Variants in IL15 observed in about 807,000 individuals in gnomAD.
IL15 encodes interleukin-15.
IL15 carries 11 observed loss-of-function variants against 19.6 expected under a neutral mutation model. That is an observed-to-expected ratio of 0.56 (90% CI 0.35 to 0.93). IL15 has a LOEUF of 0.93. Ranked by LOEUF, IL15 falls within the 40% of genes least tolerant of loss-of-function variation. The pLI is 0.01. For synonymous variants in IL15, 58 were observed against 59.6 expected (o/e 0.97, Z 0.12); for missense variants, 197 against 186.5 (o/e 1.06, Z -0.33).
At chr4:141,694,226 G>A (rs761683853) in intron 2 of IL15, among the ~76,000 whole-genome samples, 14 of 152,198 alleles carry the variant, frequency 9.2e-5, no homozygotes, top group Non-Finnish European at 1.6e-4. Flanking sequence ...TCATCCACAC[G>A]TGAACGTGGA....
intron 2 of IL15, among the ~76,000 whole-genome samples, chr4:141,700,486 G>T (rs1166030313): frequency 6.6e-6 from 1 of 152,190 alleles, no homozygotes; most frequent in African/African-American, 2.4e-5. Context: ...TCTGATGAGA[G>T]ATCTGCTGTT....
intron 2 of IL15, among the ~76,000 whole-genome samples, chr4:141,690,266 G>C (rs1238450189): frequency 6.6e-6 from 1 of 152,198 alleles, no homozygotes; most frequent in Non-Finnish European, 1.5e-5. Context: ...CAAGCTGAGG[G>C]AGCTGGCTCT....
At chr4:141,689,033 G>A (rs927492667) in intron 2 of IL15, 4 of 153,904 alleles carry the variant, frequency 2.6e-5, no homozygotes, top group East Asian at 3.8e-4. Flanking sequence ...ACAGACCTTC[G>A]CGGTGAGTGT....
chr4:141,647,851 T>C (rs1173745108), intron 1 of IL15, among the ~76,000 whole-genome samples: 4 of 152,074 alleles, frequency 2.6e-5, no homozygotes, highest in Non-Finnish European at 5.9e-5. Context: ...TGATAGATAC[T>C]TCTCTCATAG....
chr4:141,657,131 G>C (rs1018104128), intron 2 of IL15, among the ~76,000 whole-genome samples: 1 of 152,146 alleles, frequency 6.6e-6, no homozygotes, highest in Non-Finnish European at 1.5e-5. Flanking sequence ...GCATGTTACT[G>C]TACTGAATAC....
chr4:141,668,246 G>C (rs961516834), intron 2 of IL15, among the ~76,000 whole-genome samples: 11 of 152,186 alleles, frequency 7.2e-5, no homozygotes, highest in Admixed American at 2.0e-4. Flanking sequence ...GGCCCTTTGA[G>C]AGAGACACTG....
At chr4:141,689,290 T>A (rs1349476795) in intron 2 of IL15, among the ~76,000 whole-genome samples, 2 of 152,180 alleles carry the variant, frequency 1.3e-5, no homozygotes, top group Middle Eastern at 3.2e-3. Context: ...TTTATTCTCT[T>A]ATCTGGCCCC....
At chr4:141,723,034 G>A (rs142205381) in intron 5 of IL15, among the ~76,000 whole-genome samples, 63 of 152,164 alleles carry the variant, frequency 4.1e-4, no homozygotes, top group African/African-American at 1.4e-3. Context: ...CCTATGGTTA[G>A]TATCACAGGA....
intron 4 of IL15, among the ~76,000 whole-genome samples, chr4:141,721,377 C>G (rs958779394): frequency 1.6e-4 from 25 of 152,168 alleles, no homozygotes; most frequent in African/African-American, 4.1e-4. Flanking sequence ...ATCATTCAGC[C>G]TACACTGGAA....
intron 2 of IL15, among the ~76,000 whole-genome samples, chr4:141,682,782 C>T (rs1332255290): frequency 6.6e-6 from 1 of 151,950 alleles, no homozygotes; most frequent in African/African-American, 2.4e-5. Flanking sequence ...CAGTGAAACC[C>T]GGTCTCTACT....
intron 1 of IL15, among the ~76,000 whole-genome samples, chr4:141,648,228 CT>C (rs1350809046): frequency 6.6e-6 from 1 of 151,956 alleles, no homozygotes; most frequent in African/African-American, 2.4e-5. Context: ...TGGGGATGTA[CT>C]TTGGGCCAGG....
chr4:141,682,681 A>G (rs985388264), intron 2 of IL15, among the ~76,000 whole-genome samples: 2 of 152,178 alleles, frequency 1.3e-5, no homozygotes, highest in Non-Finnish European at 2.9e-5. Context: ...TTGGGGAACG[A>G]TGAGAGACAA....
chr4:141,680,615 C>G (rs1728502498), intron 2 of IL15, among the ~76,000 whole-genome samples: 1 of 152,174 alleles, frequency 6.6e-6, no homozygotes, highest in Non-Finnish European at 1.5e-5. Context: ...TCACTCAGAG[C>G]TGTGCTTGCC....
At chr4:141,721,855 T>A in intron 4 of IL15, 69 bp from the exon 5 acceptor site, 1 of 1,335,774 alleles carries the variant, frequency 7.5e-7, no homozygotes, top group Non-Finnish European at 1.0e-6. Context: ...TGATTGCTCT[T>A]TTGCTTATAG....
intron 2 of IL15, among the ~76,000 whole-genome samples, chr4:141,706,409 G>A (rs950182907): frequency 2.0e-5 from 3 of 151,714 alleles, no homozygotes; most frequent in Non-Finnish European, 4.4e-5. Flanking sequence ...TGTAATTTTT[G>A]ACCGTTTTGA....
chr4:141,682,877 G>A (rs570388491), intron 2 of IL15, among the ~76,000 whole-genome samples: 71 of 152,072 alleles, frequency 4.7e-4, no homozygotes, highest in African/African-American at 1.7e-3. Flanking sequence ...GCATGAACCC[G>A]GGAGGCAGAG....
intron 2 of IL15, among the ~76,000 whole-genome samples, chr4:141,676,366 G>C (rs891443889): frequency 6.6e-6 from 1 of 152,144 alleles, no homozygotes; most frequent in Non-Finnish European, 1.5e-5. Flanking sequence ...TTTGTCAGGA[G>C]GTACCTTGCA....
chr4:141,647,154 A>T (rs1346367848), intron 1 of IL15, among the ~76,000 whole-genome samples: 1 of 152,024 alleles, frequency 6.6e-6, no homozygotes, highest in Non-Finnish European at 1.5e-5. Context: ...TGGGCTGGGG[A>T]CTTTCCTAAA....
intron 2 of IL15, chr4:141,717,199 A>G (rs1316549489): frequency 1.3e-5 from 2 of 152,244 alleles, no homozygotes; most frequent in African/African-American, 4.8e-5. Flanking sequence ...TTTGCATTGT[A>G]TGAAGGATGT....
Sources: gnomAD v4.1 joint callset for allele counts (sites outside exome capture counted in the v4.1 genomes callset) on GRCh38, gnomAD v4.1.1 for gene constraint, MANE v1.5 for transcripts, NCBI Gene and HGNC (gene_info 2026-07-23, HGNC 2026-07-21) for gene names.